ELL2: variants seen among roughly 807,000 people sequenced by gnomAD.
ELL2 encodes RNA polymerase II elongation factor ELL2.
ELL2 carries 21 observed loss-of-function variants against 72.8 expected under a neutral mutation model. The ratio of observed to expected loss-of-function variants is 0.29; its 90% CI spans 0.20 to 0.42. ELL2 has a LOEUF of 0.42. Among genes scored for constraint, ELL2 ranks in the 10% least tolerant of loss-of-function variants. ELL2 has a pLI of 1.00. For missense variants in ELL2, 568 were observed against 772.8 expected, an observed-to-expected ratio of 0.73 and a Z score of 3.14; for synonymous variants, 266 against 283.2, an observed-to-expected ratio of 0.94 and a Z score of 0.61.
At chr5:95,892,797 TA>T (rs1253668464) in intron 9 of ELL2, among the ~76,000 whole-genome samples, 4 of 152,228 alleles carry the variant, frequency 2.6e-5, no homozygotes, top group Non-Finnish European at 4.4e-5. Context: ...TTAATATTTT[TA>T]TTCATGCTGA....
rs201782127 is a variant in ELL2, at chr5:95,961,663, C to A, written c.59G>T (p.Gly20Val). The A allele has an allele frequency of 2.5e-6, 4 of 1,609,790 alleles. No homozygotes were observed. In the East Asian group the frequency reaches 6.8e-5, roughly 27 times the overall value. Residue 20 changes from glycine (G) to valine (V), a missense_variant, in exon 1 of 12, where the codon GGA becomes GTA. Transcript: ENST00000237853. ...GGTGATGTTGTCCTGCCCCAGCCGTCCGCACGACAGCCCATAGCGCTGCTC... is the reference window on the plus strand; with the variant it reads ...GGTGATGTTGTCCTGCCCCAGCCGTACGCACGACAGCCCATAGCGCTGCTC... ...REEQRYGLSC[G>V]RLGQDNITVL...
intron 2 of ELL2, 126 bp downstream of exon 2, chr5:95,942,876 T>A (rs1751019303): frequency 1.8e-6 from 1 of 543,950 alleles, no homozygotes; most frequent in Non-Finnish European, 2.9e-6. Flanking sequence ...GAAATTTTCA[T>A]TTAGTCACAA....
In ELL2 at chr5:95,889,145, A is replaced by G. The variant is rs1344433648; in HGVS notation, c.1762-15T>C. The G allele has an allele frequency of 1.3e-6, 2 of 1,588,728 alleles. No individual in the cohort carries two copies. Among genetic ancestry groups the G allele is most frequent in the East Asian group, 4.5e-5 (2 of 44,746 alleles). On this transcript the variant is annotated splice_polypyrimidine_tract_variant and intron_variant, in intron 10 of 11. Coordinates refer to ENST00000237853, the MANE Select transcript of ELL2 (RefSeq NM_012081.6). The stretch of plus-strand genomic sequence containing the variant: ...TCATGAACATTCTACAAAATTAAAT[A>G]TTAGAAATCAGAAGAGAACAACTTC...
chr5:95,901,863 A>G (rs1284126207), intron 5 of ELL2, among the ~76,000 whole-genome samples: 2 of 152,222 alleles, frequency 1.3e-5, no homozygotes, highest in Admixed American at 1.3e-4. Flanking sequence ...AGCTAAACAA[A>G]GGGATGATTC....
At chr5:95,894,255 G>C (rs1337844571) in intron 9 of ELL2, among the ~76,000 whole-genome samples, 1 of 152,096 alleles carries the variant, frequency 6.6e-6, no homozygotes, top group Admixed American at 6.5e-5. Flanking sequence ...ACAAAAAAAG[G>C]GGGGATTAAC....
At position 95,942,955 on chromosome 5, in the gene ELL2, C is replaced by T. The variant is rs191069529; in HGVS notation, c.195+47G>A. Reference sequence around the variant, plus strand: ...AAAACGGATTTTAAAAGTTGAATAGCGTGCAAGAACATTAGATTTGTTTGT... The same window carrying T: ...AAAACGGATTTTAAAAGTTGAATAGTGTGCAAGAACATTAGATTTGTTTGT... On this transcript the variant is annotated intron_variant, in intron 2 of 11. Coordinates refer to ENST00000237853, the MANE Select transcript of ELL2 (RefSeq NM_012081.6). 1,116 of 1,409,548 alleles carry T rather than the reference C, an allele frequency of 7.9e-4. 5 individuals are homozygous for T. Among genetic ancestry groups the T allele is most frequent in the Non-Finnish European group, 8.6e-4 (904 of 1,053,932 alleles). 87.3% of individuals were successfully genotyped at this position (1,409,548 alleles called of 1,614,324 possible).
At position 95,913,848 on chromosome 5, in the gene ELL2, C is replaced by T. The variant is rs146144447; in HGVS notation, c.404G>A (p.Arg135Gln). 1.1e-5 allele frequency: 17 copies of T among 1,613,436 alleles called. No homozygotes were observed. In the African/African-American group the frequency reaches 1.2e-4, roughly 11 times the overall value. The part of the protein sequence containing the change: ...CATNDSYQMT[R>Q]ERMTQAEEES... ...CTCCTCTGCCTGGGTCATTCTTTCT[C>T]GTGTCATCTGATACGAGTCGTTTGT... is the stretch of plus-strand genomic sequence containing the variant. The change falls in exon 4 of 12, where the codon CGA becomes CAA. Residue 135 changes from arginine (R) to glutamine (Q), a missense_variant. Physicochemically the swap from Arg to Gln is conservative, Grantham distance 43 (BLOSUM62 1). This residue lies in a region of ELL2 where 511 missense variants were observed against 728.4 expected (regional missense o/e 0.70). Transcript: ENST00000237853.
At position 95,886,338 on chromosome 5, in the gene ELL2, A is replaced by G. The variant is rs927499354; in HGVS notation, c.*2533T>C. 24 of 152,106 alleles carry G rather than the reference A, an allele frequency of 1.6e-4. No individual in the cohort carries two copies. The highest frequency in any genetic ancestry group is 4.6e-4 in the African/African-American group (19 of 41,392). The allele number at this position is 152,106 out of a possible 1,614,324, so 9.4% of individuals were successfully genotyped here. A position where few individuals can be genotyped will look rare whatever the true frequency, so the allele number is the denominator to read the frequency against. On this transcript the variant is annotated 3_prime_UTR_variant, in exon 12 of 12. Coordinates refer to ENST00000237853, the MANE Select transcript of ELL2 (RefSeq NM_012081.6). ...TATAATTTTCAAATTTACAACTAAT[A>G]GACAGACACACTTTTGCAAGGATCT...
Position 95,898,396 on chromosome 5 carries a change from T to G in ELL2, c.1369A>C (p.Met457Leu). The change falls in exon 8 of 12, where the codon ATG becomes CTG. Residue 457 changes from methionine to leucine, a missense_variant. This residue lies in a region of ELL2 where 511 missense variants were observed against 728.4 expected (regional missense o/e 0.70). Transcript: ENST00000237853. ...TTCTTTTTGGACTTTTTGTGAGACA[T>G]TGAATGGTTTTCTTCCATAGGCTTT... ...CPKPMEENHS[M>L]SHKKSKKKSK... 1 of 1,613,350 alleles carries G rather than the reference T, an allele frequency of 6.2e-7. No homozygotes were observed. The highest frequency in any genetic ancestry group is 8.5e-7 in the Non-Finnish European group (1 of 1,179,864).
At chr5:95,922,221 C>A (rs934626755) in intron 2 of ELL2, among the ~76,000 whole-genome samples, 1 of 152,178 alleles carries the variant, frequency 6.6e-6, no homozygotes, top group African/African-American at 2.4e-5. Context: ...CGCCACCACG[C>A]CCGGCTAATT....
rs1049696450 is a variant in ELL2 at position 95,885,216 on chromosome 5, C to T, written c.*3655G>A. On this transcript the variant is annotated 3_prime_UTR_variant, in exon 12 of 12. Transcript: ENST00000237853. ...CATTTTACCTTTGAGAGTCCTAACA[C>T]GGTTTGAGTGGAACAGCTGAGAAAC... 6.6e-6 allele frequency: 1 copy of T among 152,176 alleles called. No individual in the cohort carries two copies. Among genetic ancestry groups the T allele is most frequent in the African/African-American group, 2.4e-5 (1 of 41,414 alleles). The allele number at this position is 152,176 out of a possible 1,614,324, so 9.4% of individuals were successfully genotyped here.
At chr5:95,957,870 G>C (rs1410334543) in intron 1 of ELL2, among the ~76,000 whole-genome samples, 2 of 152,198 alleles carry the variant, frequency 1.3e-5, no homozygotes, top group African/African-American at 2.4e-5. Flanking sequence ...GAAGTTCTCT[G>C]TTCTGCCTAA....
chr5:95,904,640 C>A (rs1018404759), intron 5 of ELL2, among the ~76,000 whole-genome samples: 1 of 152,182 alleles, frequency 6.6e-6, no homozygotes, highest in Non-Finnish European at 1.5e-5. Flanking sequence ...CAGGCAAAGC[C>A]TGATTAATTA....
chr5:95,920,840 C>T (rs1750043482), intron 2 of ELL2, among the ~76,000 whole-genome samples: 1 of 152,174 alleles, frequency 6.6e-6, no homozygotes, highest in Admixed American at 6.5e-5. Context: ...AGTAATTTAG[C>T]AGACAAGTAG....
chr5:95,891,066 T>TTCA (rs1561487192), intron 10 of ELL2, 37 bp downstream of exon 10: 1 of 1,613,684 alleles, frequency 6.2e-7, no homozygotes, highest in East Asian at 2.2e-5. Context: ...GAAGGTAAAA[T>TTCA]ATGAAAGTCA....
intron 1 of ELL2, among the ~76,000 whole-genome samples, chr5:95,951,374 T>G (rs1278952103): frequency 6.9e-6 from 1 of 144,748 alleles, no homozygotes; most frequent in Admixed American, 6.9e-5. Flanking sequence ...GTCTCAAAAA[T>G]AAAATAAAAT....
At chr5:95,941,098 C>T (rs1750952680) in intron 2 of ELL2, among the ~76,000 whole-genome samples, 2 of 152,078 alleles carry the variant, frequency 1.3e-5, no homozygotes, top group African/African-American at 4.8e-5. Flanking sequence ...TAGGATCAAC[C>T]ATCCTATAGC....
chr5:95,927,018 A>C (rs1750306264), intron 2 of ELL2, among the ~76,000 whole-genome samples: 1 of 152,166 alleles, frequency 6.6e-6, no homozygotes, highest in South Asian at 2.1e-4. Flanking sequence ...GTTTCTGGTA[A>C]GATGACATGG....
At chr5:95,901,106 A>C in intron 5 of ELL2, 26 bp from the exon 6 acceptor site, 1 of 1,576,996 alleles carries the variant, frequency 6.3e-7, no homozygotes, top group Middle Eastern at 1.8e-4. Context: ...AAAACAGAGC[A>C]TTAGGTATTT....
Sources: allele counts gnomAD v4.1 joint callset (sites outside exome capture counted in the v4.1 genomes callset), GRCh38; gene constraint gnomAD v4.1.1; regional missense constraint gnomAD v4.1.1; transcripts MANE v1.5; gene names NCBI Gene and HGNC (gene_info 2026-07-23, HGNC 2026-07-21).